The following B3GALT1 variants were observed in gnomAD, a reference collection of about 807,000 sequenced individuals.
B3GALT1 encodes UDP-Gal:betaGlcNAc beta 1,3-galactosyltransferase, polypeptide 1.
B3GALT1 carries 10 observed loss-of-function variants against 23.2 expected under a neutral mutation model. That is an observed-to-expected ratio of 0.43 (90% CI 0.27 to 0.73). The LOEUF (loss-of-function observed/expected upper bound fraction) is 0.73, where lower values mean the gene tolerates loss of function less well. Ranked by LOEUF, B3GALT1 falls within the 30% of genes least tolerant of loss-of-function variation. The pLI is 0.21. For synonymous variants in B3GALT1, 156 were observed against 141.5 expected (o/e 1.10, Z -0.73); for missense variants, 299 against 405.4 (o/e 0.74, Z 2.25).
chr2:167,725,361 G>A (rs941579682), intron 3 of B3GALT1, among the ~76,000 whole-genome samples: 1 of 152,056 alleles, frequency 6.6e-6, no homozygotes, highest in African/African-American at 2.4e-5. Context: ...TTTTGTGTGT[G>A]GTCCTGGAAG....
At chr2:167,638,034 A>G (rs897641873) in intron 2 of B3GALT1, among the ~76,000 whole-genome samples, 13 of 152,134 alleles carry the variant, frequency 8.5e-5, no homozygotes, top group African/African-American at 2.2e-4. Context: ...TTTGGCAAGT[A>G]TTTGTCATGC....
At chr2:167,488,126 AG>A (rs1475739683) in intron 1 of B3GALT1, among the ~76,000 whole-genome samples, 12 of 152,230 alleles carry the variant, frequency 7.9e-5, no homozygotes, top group Non-Finnish European at 1.5e-4. Flanking sequence ...GAGCATATAT[AG>A]GGTTGGTTTA....
chr2:167,502,688 T>A (rs1278203855), intron 2 of B3GALT1, among the ~76,000 whole-genome samples: 2 of 152,066 alleles, frequency 1.3e-5, no homozygotes, highest in Non-Finnish European at 2.9e-5. Context: ...AAGGGGGGGA[T>A]CCACCCCCAT....
At chr2:167,564,804 G>A (rs1045039732) in intron 2 of B3GALT1, among the ~76,000 whole-genome samples, 38 of 152,338 alleles carry the variant, frequency 2.5e-4, no homozygotes, top group African/African-American at 8.7e-4. Flanking sequence ...TACAAGGGAT[G>A]TGAAGGACCT....
chr2:167,864,693 G>A (rs1690175485), intron 4 of B3GALT1, among the ~76,000 whole-genome samples: 2 of 152,180 alleles, frequency 1.3e-5, no homozygotes, highest in Admixed American at 1.3e-4. Context: ...CTTGGAAGTG[G>A]CTATTTATGT....
chr2:167,643,564 CA>C (rs1558934870), intron 2 of B3GALT1, among the ~76,000 whole-genome samples: 1 of 151,894 alleles, frequency 6.6e-6, no homozygotes, highest in Non-Finnish European at 1.5e-5. Flanking sequence ...ACTGATAATA[CA>C]AAAGGAGAGG....
intron 1 of B3GALT1, among the ~76,000 whole-genome samples, chr2:167,345,244 T>C (rs1332380786): frequency 6.6e-6 from 1 of 152,106 alleles, no homozygotes; most frequent in Admixed American, 6.5e-5. Context: ...AGCATTCTTA[T>C]GATAGATTCA....
intron 3 of B3GALT1, among the ~76,000 whole-genome samples, chr2:167,682,687 C>T (rs1384033756): frequency 6.6e-6 from 1 of 152,204 alleles, no homozygotes; most frequent in African/African-American, 2.4e-5. Context: ...TCCTAGTGTC[C>T]TTCTTTCCTG....
At chr2:167,799,894 C>T (rs1688606782) in intron 3 of B3GALT1, among the ~76,000 whole-genome samples, 1 of 151,534 alleles carries the variant, frequency 6.6e-6, no homozygotes, top group South Asian at 2.1e-4. Flanking sequence ...GACAAAGGTT[C>T]TTAGTTTTAA....
intron 1 of B3GALT1, among the ~76,000 whole-genome samples, chr2:167,332,569 G>C (rs144751482): frequency 5.9e-4 from 90 of 152,340 alleles, no homozygotes; most frequent in African/African-American, 2.0e-3. Context: ...ACAGCAGGAA[G>C]TTAGGAAAGG....
At chr2:167,638,225 A>G (rs1449619383) in intron 2 of B3GALT1, among the ~76,000 whole-genome samples, 1 of 152,070 alleles carries the variant, frequency 6.6e-6, no homozygotes, top group Non-Finnish European at 1.5e-5. Flanking sequence ...ATATTTCAGT[A>G]AAGTTTAACT....
chr2:167,504,135 A>G (rs540939580), intron 2 of B3GALT1, among the ~76,000 whole-genome samples: 114 of 146,292 alleles, frequency 7.8e-4, no homozygotes, highest in African/African-American at 2.7e-3. Flanking sequence ...ATCATGAAGA[A>G]GTTAAAATAC....
intron 1 of B3GALT1, among the ~76,000 whole-genome samples, chr2:167,422,271 A>G (rs951198416): frequency 3.3e-5 from 5 of 149,288 alleles, no homozygotes; most frequent in African/African-American, 1.2e-4. Context: ...TCTCTGCTAT[A>G]TGAAGATATA....
intron 3 of B3GALT1, among the ~76,000 whole-genome samples, chr2:167,803,081 A>AACACACACACACACACACACAC (rs71940853): frequency 1.4e-5 from 2 of 141,376 alleles, no homozygotes; most frequent in Non-Finnish European, 1.5e-5. Context: ...GACCCTAACA[A>AACACACACACACACACACACAC]ACACACACAC....
At chr2:167,760,813 A>G (rs1323196528) in intron 3 of B3GALT1, among the ~76,000 whole-genome samples, 2 of 152,228 alleles carry the variant, frequency 1.3e-5, no homozygotes, top group African/African-American at 4.8e-5. Context: ...AAAATGCTTA[A>G]TACATATCAT....
At chr2:167,359,977 T>G (rs1225775849) in intron 1 of B3GALT1, among the ~76,000 whole-genome samples, 1 of 152,138 alleles carries the variant, frequency 6.6e-6, no homozygotes, top group Non-Finnish European at 1.5e-5. Context: ...TCTTTCAAAT[T>G]TTTATGATAG....
chr2:167,526,928 T>C (rs1016252175), intron 2 of B3GALT1, among the ~76,000 whole-genome samples: 4 of 152,168 alleles, frequency 2.6e-5, no homozygotes, highest in African/African-American at 9.6e-5. Context: ...ACTACGTATT[T>C]GAATGCAGAT....
chr2:167,377,567 A>G (rs528572677), intron 1 of B3GALT1, among the ~76,000 whole-genome samples: 4 of 152,258 alleles, frequency 2.6e-5, no homozygotes. Context: ...TGAACTCTTT[A>G]TCATGATGTA....
At chr2:167,532,325 T>C (rs1683339631) in intron 2 of B3GALT1, among the ~76,000 whole-genome samples, 1 of 152,192 alleles carries the variant, frequency 6.6e-6, no homozygotes, top group East Asian at 1.9e-4. Flanking sequence ...TTCAAGGCCA[T>C]TGAACCACAT....
Sources: gnomAD v4.1 joint callset for allele counts (sites outside exome capture counted in the v4.1 genomes callset) on GRCh38, gnomAD v4.1.1 for gene constraint, MANE v1.5 for transcripts, NCBI Gene and HGNC (gene_info 2026-07-23, HGNC 2026-07-21) for gene names.